NAPB: variants seen among roughly 807,000 people sequenced by gnomAD.
NAPB encodes beta-soluble NSF attachment protein.
A neutral mutation model predicts 44.7 loss-of-function variants in NAPB; 26 were observed. That is an observed-to-expected ratio of 0.58 (90% CI 0.43 to 0.81). The LOEUF is 0.81. Among genes scored for constraint, NAPB ranks in the 30% least tolerant of loss-of-function variants. NAPB has a pLI of 0.00. For synonymous variants in NAPB, 120 were observed against 116.8 expected (o/e 1.03, Z -0.18); for missense variants, 315 against 356.4 (o/e 0.88, Z 0.94).
chr20:23,400,169 T>C (rs1167517110), intron 2 of NAPB, among the ~76,000 whole-genome samples: 1 of 152,178 alleles, frequency 6.6e-6, no homozygotes, highest in African/African-American at 2.4e-5. Context: ...TGGCTTACTT[T>C]TTCACTCTGA....
intron 2 of NAPB, among the ~76,000 whole-genome samples, chr20:23,400,655 G>T (rs1164476884): frequency 6.6e-6 from 1 of 152,148 alleles, no homozygotes; most frequent in African/African-American, 2.4e-5. Flanking sequence ...TCTCTCAAAA[G>T]CTGAGTATCA....
chr20:23,418,090 T>C (rs1305712834), intron 1 of NAPB, among the ~76,000 whole-genome samples: 1 of 152,216 alleles, frequency 6.6e-6, no homozygotes, highest in Non-Finnish European at 1.5e-5. Context: ...ATATCTGCAA[T>C]ATGCCAAGCA....
At chr20:23,377,574 A>C (rs200644839) in intron 10 of NAPB, 88 bp from the exon 11 acceptor site, 12 of 626,532 alleles carry the variant, frequency 1.9e-5, no homozygotes. Context: ...TTATACCTTT[A>C]CAGCCATAAT....
intron 5 of NAPB, among the ~76,000 whole-genome samples, chr20:23,394,501 C>T (rs1984207139): frequency 6.6e-6 from 1 of 152,128 alleles, no homozygotes; most frequent in African/African-American, 2.4e-5. Flanking sequence ...AGTAATCTAG[C>T]ATTTGGAGAG....
chr20:23,412,865 G>A (rs1307445100), intron 1 of NAPB, among the ~76,000 whole-genome samples: 1 of 152,150 alleles, frequency 6.6e-6, no homozygotes, highest in African/African-American at 2.4e-5. Context: ...GTGTGGTGGC[G>A]TGTGCCTGTA....
rs1982504356 is a variant in NAPB, at chr20:23,376,200, A to G, written c.*1176T>C. The G allele has an allele frequency of 6.6e-6, 1 of 152,254 alleles. No homozygotes were observed. Among genetic ancestry groups the G allele is most frequent in the South Asian group, 2.1e-4 (1 of 4,836 alleles). The allele number at this position is 152,254 out of a possible 1,614,324, so 9.4% of individuals were successfully genotyped here. On this transcript the variant is annotated 3_prime_UTR_variant, in exon 11 of 11. Transcript: ENST00000377026. ...CAGGAGACAAGCGTATGTCTAAAGTACAATATCAGCATATAAATTAATAGG... is the reference window on the plus strand; with the variant it reads ...CAGGAGACAAGCGTATGTCTAAAGTGCAATATCAGCATATAAATTAATAGG...
chr20:23,392,117 T>C (rs2424531), intron 5 of NAPB, among the ~76,000 whole-genome samples: 37,858 of 152,168 alleles, frequency 0.25, 5,409 homozygotes, highest in Middle Eastern at 0.36. Context: ...ATAGGCATCA[T>C]GCTAGGCTCA....
chr20:23,391,173 G>A (rs1450669386), intron 5 of NAPB, among the ~76,000 whole-genome samples: 1 of 152,090 alleles, frequency 6.6e-6, no homozygotes, highest in Non-Finnish European at 1.5e-5. Context: ...TTAGCCGGGC[G>A]TGGTGTGGGC....
At chr20:23,378,856 G>C (rs1982755114) in intron 10 of NAPB, 1 of 104,228 alleles carries the variant, frequency 9.6e-6, no homozygotes, top group Non-Finnish European at 2.0e-5. Flanking sequence ...GTCTCGCTCT[G>C]TCACCAGGCT....
chr20:23,405,610 G>A (rs1169881613), intron 1 of NAPB, among the ~76,000 whole-genome samples: 1 of 152,082 alleles, frequency 6.6e-6, no homozygotes, highest in Non-Finnish European at 1.5e-5. Flanking sequence ...TGCAGTCCCA[G>A]CTACACAGGA....
chr20:23,421,480 C>T lies in NAPB; in HGVS notation c.-78G>A. The T allele has an allele frequency of 2.3e-6, 3 of 1,296,822 alleles. No individual in the cohort carries two copies. Among genetic ancestry groups the T allele is most frequent in the Non-Finnish European group, 3.1e-6 (3 of 955,164 alleles). 80.3% of individuals were successfully genotyped at this position (1,296,822 alleles called of 1,614,324 possible). A position where few individuals can be genotyped will look rare whatever the true frequency, so the allele number is the denominator to read the frequency against. On this transcript the variant is annotated 5_prime_UTR_variant, in exon 1 of 11. Coordinates refer to ENST00000377026, the MANE Select transcript of NAPB (RefSeq NM_022080.3). ...GCGCCTTAACCCTCCCTCTGGCGGC[C>T]GCAGGGACGCAGGCGCAGGCGCGAC...
chr20:23,389,231 T>TAAAAAAAAAAAAAAAAAAAAAAACAAAA (rs71330886), intron 7 of NAPB, among the ~76,000 whole-genome samples: 1 of 115,402 alleles, frequency 8.7e-6, no homozygotes, highest in Non-Finnish European at 1.8e-5. Context: ...GACTATTATT[T>TAAAAAAAAAAAAAAAAAAAAAAACAAAA]AAAAAAAAAA....
At chr20:23,412,983 C>T (rs1985761999) in intron 1 of NAPB, among the ~76,000 whole-genome samples, 1 of 152,092 alleles carries the variant, frequency 6.6e-6, no homozygotes, top group Non-Finnish European at 1.5e-5. Flanking sequence ...GCGTGAGACT[C>T]TGTCTCCAAA....
intron 1 of NAPB, among the ~76,000 whole-genome samples, chr20:23,410,841 T>C (rs987460696): frequency 1.3e-5 from 2 of 151,914 alleles, no homozygotes; most frequent in Admixed American, 6.6e-5. Context: ...TAAACAGATA[T>C]GAAAGTACAT....
At chr20:23,387,823 T>C (rs899056136) in intron 7 of NAPB, among the ~76,000 whole-genome samples, 21 of 152,174 alleles carry the variant, frequency 1.4e-4, no homozygotes, top group African/African-American at 5.1e-4. Flanking sequence ...CTGTGATGAC[T>C]GATTTTATGT....
intron 1 of NAPB, among the ~76,000 whole-genome samples, chr20:23,418,204 ATGTG>A (rs935064613): frequency 6.6e-6 from 1 of 152,234 alleles, no homozygotes; most frequent in East Asian, 1.9e-4. Context: ...TCAAGTCAGT[ATGTG>A]TGTTTTATTA....
At chr20:23,396,821 A>T (rs769411713) in intron 3 of NAPB, 1 of 252,588 alleles carries the variant, frequency 4.0e-6, no homozygotes, top group Non-Finnish European at 7.4e-6. Flanking sequence ...CAATATAAAT[A>T]AGAGTTTAAT....
At chr20:23,401,656 G>T (rs1377811959) in intron 2 of NAPB, among the ~76,000 whole-genome samples, 2 of 152,302 alleles carry the variant, frequency 1.3e-5, no homozygotes, top group Middle Eastern at 3.4e-3. Flanking sequence ...CGAGGTGGGT[G>T]GATCGCCTGA....
At chr20:23,392,838 G>GA (rs1263248036) in intron 5 of NAPB, among the ~76,000 whole-genome samples, 2 of 150,714 alleles carry the variant, frequency 1.3e-5, no homozygotes, top group Non-Finnish European at 3.0e-5. Flanking sequence ...TTTTTCAAGA[G>GA]AAAAAAAGAG....
Sources: gnomAD v4.1 joint callset for allele counts (sites outside exome capture counted in the v4.1 genomes callset) on GRCh38, gnomAD v4.1.1 for gene constraint, MANE v1.5 for transcripts, NCBI Gene and HGNC (gene_info 2026-07-23, HGNC 2026-07-21) for gene names.